Variants in TJP2 observed in about 807,000 individuals in gnomAD.
TJP2 encodes tight junction protein 2, also known as Friedreich ataxia region gene X104 (tight junction protein ZO-2).
Under a neutral mutation model 133.1 loss-of-function variants are expected in TJP2, and 91 were observed. The ratio of observed to expected loss-of-function variants is 0.68; its 90% confidence interval spans 0.58 to 0.81. The LOEUF is 0.81. TJP2 is among the 40% of genes least tolerant of loss of function. The pLI is 0.00. For synonymous variants in TJP2, 592 were observed against 583.4 expected, an observed-to-expected ratio of 1.01 and a Z score of -0.21; for missense variants, 1,541 against 1,565.6, an observed-to-expected ratio of 0.98 and a Z score of 0.26.
intron 1 of TJP2, among the ~76,000 whole-genome samples, chr9:69,202,899 T>A (rs923228904): frequency 2.0e-5 from 3 of 152,110 alleles, no homozygotes; most frequent in Non-Finnish European, 2.9e-5. Context: ...ATGGTTAAGA[T>A]AATAAATTTT....
chr9:69,177,358 A>G (rs549385127), intron 1 of TJP2, among the ~76,000 whole-genome samples: 1 of 152,294 alleles, frequency 6.6e-6, no homozygotes, highest in South Asian at 2.1e-4. Context: ...AGAAACACAG[A>G]CTCAGAGGTT....
intron 1 of TJP2, among the ~76,000 whole-genome samples, chr9:69,207,356 A>T (rs1397185279): frequency 6.6e-6 from 1 of 152,142 alleles, no homozygotes; most frequent in Non-Finnish European, 1.5e-5. Flanking sequence ...TATGTTTGAG[A>T]TGCATCCCTT....
intron 1 of TJP2, among the ~76,000 whole-genome samples, chr9:69,182,070 C>G (rs1825554570): frequency 6.6e-6 from 1 of 152,220 alleles, no homozygotes; most frequent in Non-Finnish European, 1.5e-5. Flanking sequence ...GGAGCCCTTT[C>G]TGATTTGTTC....
chr9:69,226,849 A>G (rs561193196), intron 7 of TJP2, among the ~76,000 whole-genome samples: 5 of 152,320 alleles, frequency 3.3e-5, no homozygotes, highest in South Asian at 2.1e-4. Flanking sequence ...AGAGAAGACA[A>G]TTTGGAGGAT....
chr9:69,142,743 A>G (rs1823066211), intron 1 of TJP2, among the ~76,000 whole-genome samples: 1 of 152,244 alleles, frequency 6.6e-6, no homozygotes, highest in South Asian at 2.1e-4. Flanking sequence ...TGTCAGTCTG[A>G]TCTGTGAAGT....
chr9:69,218,754 G>C (rs563277104), intron 4 of TJP2, among the ~76,000 whole-genome samples: 2 of 152,334 alleles, frequency 1.3e-5, no homozygotes, highest in South Asian at 2.1e-4. Flanking sequence ...TTAGAAGACT[G>C]TCTATAATCT....
upstream of TJP2, among the ~76,000 whole-genome samples, chr9:69,170,304 AT>A (rs933537703): frequency 1.5e-4 from 23 of 152,096 alleles, no homozygotes; most frequent in South Asian, 4.2e-4. Flanking sequence ...TCCAGTTTTT[AT>A]TTTTTTTATA....
At chr9:69,208,562 A>T (rs1827614673) in intron 1 of TJP2, among the ~76,000 whole-genome samples, 1 of 152,212 alleles carries the variant, frequency 6.6e-6, no homozygotes, top group Non-Finnish European at 1.5e-5. Flanking sequence ...TTTTGCAGGA[A>T]CTCATTTATT....
At position 69,218,370 on chromosome 9, in the gene TJP2, G is replaced by T. The variant is rs1216153077; in HGVS notation, c.342+11G>T. On this transcript the variant is annotated intron_variant, in intron 4 of 22. Transcript: ENST00000377245. ...AAGGTCGCTGCTATTGTAAGTACTG[G>T]GTTTGCTTTCAGCTTGCCTTAATAG... 1 of 1,611,544 alleles carries T rather than the reference G, an allele frequency of 6.2e-7. No homozygotes were observed. The highest frequency in any genetic ancestry group is 2.2e-5 in the East Asian group (1 of 44,886).
chr9:69,248,328 G>A (rs771038746), intron 19 of TJP2, 104 bp downstream of exon 19: 15 of 1,472,038 alleles, frequency 1.0e-5, no homozygotes, highest in Admixed American at 1.0e-4. Flanking sequence ...CATTCCTAAG[G>A]GTTGGAGCAG....
Position 69,221,329 on chromosome 9 carries a change from A to AG in TJP2, c.786dup (p.Arg263AlafsTer38). The AG allele has an allele frequency of 6.3e-7, 1 of 1,598,324 alleles. No individual in the cohort carries two copies. Among genetic ancestry groups the AG allele is most frequent in the Non-Finnish European group, 8.5e-7 (1 of 1,172,916 alleles). ...CACCGGGCCTACGACCCAGACTACG[A>AG]GCGGGCCTACAGCCCGGAGTACAGG... On this transcript the variant is annotated frameshift_variant, in exon 5 of 23. Transcript: ENST00000377245. LOFTEE classifies it high-confidence loss of function.
chr9:69,137,066 G>A (rs2133266164), intron 1 of TJP2, among the ~76,000 whole-genome samples: 1 of 152,272 alleles, frequency 6.6e-6, no homozygotes, highest in South Asian at 2.1e-4. Flanking sequence ...TCCAGGCCAG[G>A]TTCCTTAGCT....
At chr9:69,175,201 TA>T (rs1824988743) in intron 1 of TJP2, among the ~76,000 whole-genome samples, 1 of 152,258 alleles carries the variant, frequency 6.6e-6, no homozygotes, top group South Asian at 2.1e-4. Context: ...CTTCAGTTCT[TA>T]GGCTAGGCTG....
intron 1 of TJP2, among the ~76,000 whole-genome samples, chr9:69,187,606 A>G (rs190582446): frequency 2.0e-5 from 3 of 152,362 alleles, no homozygotes; most frequent in African/African-American, 7.2e-5. Flanking sequence ...AATGTCCTCA[A>G]TTAGATACAG....
intron 1 of TJP2, among the ~76,000 whole-genome samples, chr9:69,189,857 C>G (rs531467094): frequency 9.1e-6 from 1 of 110,370 alleles, no homozygotes; most frequent in South Asian, 3.5e-4. Flanking sequence ...CCTGTAATCC[C>G]AGCACTTTGG....
intron 15 of TJP2, among the ~76,000 whole-genome samples, chr9:69,238,426 A>AT (rs2133397102): frequency 6.6e-6 from 1 of 152,058 alleles, no homozygotes; most frequent in South Asian, 2.1e-4. Context: ...TCTTTTTGTG[A>AT]TTTTTATGTC....
intron 1 of TJP2, among the ~76,000 whole-genome samples, chr9:69,134,483 G>A (rs1012828497): frequency 7.9e-5 from 12 of 152,192 alleles, no homozygotes; most frequent in Non-Finnish European, 1.5e-5. Flanking sequence ...GAGGCCTGAA[G>A]GGCTGGTCCT....
intron 1 of TJP2, among the ~76,000 whole-genome samples, chr9:69,175,997 A>G (rs1825056482): frequency 2.0e-5 from 3 of 152,170 alleles, no homozygotes. Flanking sequence ...ACAAGATTCA[A>G]TTTCTGCATT....
At chr9:69,223,676 T>C (rs189991077) in intron 5 of TJP2, among the ~76,000 whole-genome samples, 26 of 152,342 alleles carry the variant, frequency 1.7e-4, no homozygotes, top group Admixed American at 1.6e-3. Context: ...CACTCAAGCT[T>C]GTCTCACTCA....
Sources: gnomAD v4.1 joint callset for allele counts (sites outside exome capture counted in the v4.1 genomes callset) on GRCh38, gnomAD v4.1.1 for gene constraint, MANE v1.5 for transcripts, NCBI Gene and HGNC (gene_info 2026-07-23, HGNC 2026-07-21) for gene names.